The following APBB2 variants were observed in gnomAD, a reference collection of about 807,000 sequenced individuals.
APBB2 encodes the protein amyloid beta precursor protein binding family B member 2.
APBB2 carries 38 observed loss-of-function variants against 82.5 expected under a neutral mutation model. The observed-to-expected ratio is 0.46, with a 90% CI of 0.36 to 0.60. APBB2 has a LOEUF of 0.60. Ranked by LOEUF, APBB2 falls within the 20% of genes least tolerant of loss-of-function variation. APBB2 has a pLI of 0.00. For synonymous variants in APBB2, 341 were observed against 368.2 expected (o/e 0.93, Z 0.85); for missense variants, 772 against 972.3 (o/e 0.79, Z 2.74).
chr4:41,185,388 T>G (rs779266195), intron 1 of APBB2, among the ~76,000 whole-genome samples: 9 of 152,148 alleles, frequency 5.9e-5, no homozygotes, highest in Non-Finnish European at 1.3e-4. Context: ...CCCCCTAAGA[T>G]TTCAAATTTC....
chr4:41,194,448 C>T, intron 1 of APBB2, among the ~76,000 whole-genome samples: 1 of 152,144 alleles, frequency 6.6e-6, no homozygotes, highest in Non-Finnish European at 1.5e-5. Flanking sequence ...TTTGGGAGGC[C>T]ACGGCAGGTG....
chr4:41,103,908 C>G (rs1320041082), intron 2 of APBB2, among the ~76,000 whole-genome samples: 1 of 152,148 alleles, frequency 6.6e-6, no homozygotes, highest in Non-Finnish European at 1.5e-5. Flanking sequence ...CAAATACAGT[C>G]CGTCCCAATA....
At chr4:41,165,367 G>A (rs1766240185) in intron 1 of APBB2, among the ~76,000 whole-genome samples, 1 of 152,144 alleles carries the variant, frequency 6.6e-6, no homozygotes, top group Non-Finnish European at 1.5e-5. Context: ...AGAGGCCACA[G>A]GTAGAAGGGC....
chr4:40,925,046 C>T (rs1393463915), intron 10 of APBB2, among the ~76,000 whole-genome samples: 1 of 152,150 alleles, frequency 6.6e-6, no homozygotes, highest in Non-Finnish European at 1.5e-5. Context: ...TACTTATTAG[C>T]TAAGGTATCG....
rs1338400307 is a variant in APBB2 at position 40,815,031 on chromosome 4, C to T, written c.*1061G>A. On this transcript the variant is annotated 3_prime_UTR_variant, in exon 18 of 18. Coordinates refer to ENST00000508593, the MANE Select transcript of APBB2 (RefSeq NM_004307.2). The stretch of plus-strand genomic sequence containing the variant: ...GACAGACAGCTTTCTGGGCAAAAAG[C>T]ATCAGAGGGGGATAGAGCTGGATGC... 1.3e-5 allele frequency: 2 copies of T among 152,458 alleles called. No homozygotes were observed. The highest frequency in any genetic ancestry group is 2.4e-5 in the African/African-American group (1 of 41,436). 9.4% of individuals were successfully genotyped at this position (152,458 alleles called of 1,614,324 possible). A position where few individuals can be genotyped will look rare whatever the true frequency, so the allele number is the denominator to read the frequency against.
chr4:40,849,042 A>G, intron 12 of APBB2: 1 of 287,360 alleles, frequency 3.5e-6, no homozygotes, highest in Non-Finnish European at 5.2e-6. Context: ...TATGTGAATA[A>G]ATACCTAAGT....
intron 1 of APBB2, among the ~76,000 whole-genome samples, chr4:41,166,030 C>T (rs13102810): frequency 2.2e-4 from 34 of 151,966 alleles, no homozygotes; most frequent in African/African-American, 5.3e-4. Flanking sequence ...CCCGCCACCA[C>T]GCCCGGCTAA....
At chr4:40,873,287 C>T (rs1455086907) in intron 12 of APBB2, among the ~76,000 whole-genome samples, 1 of 152,056 alleles carries the variant, frequency 6.6e-6, no homozygotes, top group Non-Finnish European at 1.5e-5. Flanking sequence ...TTAAGAAGCA[C>T]TCTAATTTGT....
chr4:41,144,097 T>C lies in APBB2; in HGVS notation c.-416-955A>G, dbSNP rs151246316. ...TTAAGAAGTCTTCATTTGTTAATTA[T>C]AGTAACAGTTATGACGACATCTGTA... On this transcript the variant is annotated intron_variant, in intron 1 of 17. Transcript: ENST00000508593. Among the ~76,000 whole-genome samples the C allele has an allele frequency of 2.6e-3, 395 of 152,368 alleles. 2 individuals are homozygous for C. Among genetic ancestry groups the C allele is most frequent in the Non-Finnish European group, 4.4e-3 (297 of 68,044 alleles).
At chr4:41,007,121 C>T (rs1440221113) in intron 6 of APBB2, among the ~76,000 whole-genome samples, 3 of 152,020 alleles carry the variant, frequency 2.0e-5, no homozygotes. Context: ...ACTTAATCCC[C>T]AAATTTATGT....
chr4:40,857,536 T>C (rs931113159), intron 12 of APBB2, among the ~76,000 whole-genome samples: 6 of 152,238 alleles, frequency 3.9e-5, no homozygotes, highest in Admixed American at 1.3e-4. Context: ...AGTGACACGA[T>C]CTCGGCTCAC....
In APBB2 at chr4:40,993,935, C is replaced by T. The variant is rs1802877769; in HGVS notation, c.835+19648G>A. On this transcript the variant is annotated intron_variant, in intron 6 of 17. Coordinates refer to ENST00000508593, the MANE Select transcript of APBB2 (RefSeq NM_004307.2). ...AAGTTAAAATGCAGGTTCCTGAGAC[C>T]CACTACCTGCGTCTGAGTCTGTAAG... 2.0e-5 allele frequency among the ~76,000 whole-genome samples: 3 copies of T among 151,880 alleles called. No homozygotes were observed. In the South Asian group the frequency reaches 6.2e-4, roughly 32 times the overall value.
intron 1 of APBB2, among the ~76,000 whole-genome samples, chr4:41,154,027 G>A (rs1461172352): frequency 1.3e-5 from 2 of 152,090 alleles, no homozygotes; most frequent in African/African-American, 4.8e-5. Flanking sequence ...ATAAATTACT[G>A]AGATTTAAAA....
intron 10 of APBB2, among the ~76,000 whole-genome samples, chr4:40,918,696 GGAC>G (rs1485618958): frequency 3.3e-5 from 5 of 149,258 alleles, no homozygotes; most frequent in African/African-American, 1.2e-4. Context: ...TCCTTCTTTC[GGAC>G]GACTTCCTTC....
intron 10 of APBB2, among the ~76,000 whole-genome samples, chr4:40,911,009 C>T (rs1452500360): frequency 2.0e-5 from 3 of 152,256 alleles, no homozygotes; most frequent in Admixed American, 1.3e-4. Flanking sequence ...GTTTGAATCT[C>T]AGCTCCCTAC....
chr4:41,121,554 G>A (rs925340828), intron 2 of APBB2, among the ~76,000 whole-genome samples: 1 of 152,186 alleles, frequency 6.6e-6, no homozygotes, highest in Non-Finnish European at 1.5e-5. Context: ...TAAGACTCCT[G>A]AGGTGTCCCC....
Position 40,822,043 on chromosome 4 carries a change from T to C in APBB2, c.1940A>G (p.Glu647Gly). The C allele has an allele frequency of 6.2e-7, 1 of 1,614,164 alleles. No individual in the cohort carries two copies. The highest frequency in any genetic ancestry group is 8.5e-7 in the Non-Finnish European group (1 of 1,180,014). The change falls in exon 17 of 18, where the codon GAG becomes GGG. Residue 647 changes from glutamate (E) to glycine (G), a missense_variant. Glu to Gly is a moderately conservative substitution (Grantham distance 98, BLOSUM62 -2). Coordinates refer to ENST00000508593, the MANE Select transcript of APBB2 (RefSeq NM_004307.2). ...TVTVISEKNE[E>G]EVLVECRVRF... ...CACACGACATTCCACTAAGACTTCC[T>C]CTTCATTCTGCAAGAGACATTATGC...
chr4:40,940,983 A>G (rs1786738825), intron 7 of APBB2, among the ~76,000 whole-genome samples: 1 of 152,240 alleles, frequency 6.6e-6, no homozygotes, highest in South Asian at 2.1e-4. Context: ...TTTCAAAAAT[A>G]CTGCTGGCAT....
At chr4:41,059,369 G>A (rs1728939697) in intron 4 of APBB2, among the ~76,000 whole-genome samples, 1 of 152,272 alleles carries the variant, frequency 6.6e-6, no homozygotes, top group African/African-American at 2.4e-5. Context: ...GCTGAGACAG[G>A]AGAATTGCTT....
Sources: allele counts gnomAD v4.1 joint callset (sites outside exome capture counted in the v4.1 genomes callset), GRCh38; gene constraint gnomAD v4.1.1; transcripts MANE v1.5; gene names NCBI Gene and HGNC (gene_info 2026-07-23, HGNC 2026-07-21).